Variants in WDR3 observed in about 807,000 individuals in gnomAD.
WDR3 encodes WD repeat domain 3.
In WDR3, 81 loss-of-function variants were observed where a neutral mutation model predicts 123.7. That is an observed-to-expected ratio of 0.65 (90% CI 0.55 to 0.79). The LOEUF is 0.79. WDR3 is among the 30% of genes least tolerant of loss of function. The pLI is 0.00. For missense variants in WDR3, 1,027 were observed against 1,123.2 expected (o/e 0.91, Z 1.22); for synonymous variants, 390 against 388.8 (o/e 1.00, Z -0.04).
At chr1:117,934,740 G>A (rs928530923) in intron 3 of WDR3, 58 bp downstream of exon 3, 1 of 1,578,432 alleles carries the variant, frequency 6.3e-7, no homozygotes, top group African/African-American at 1.4e-5. Context: ...GGCTTATGCT[G>A]AAGCAAGTTG....
chr1:117,939,703 C>A, intron 6 of WDR3, 131 bp downstream of exon 6: 1 of 862,144 alleles, frequency 1.2e-6, no homozygotes, highest in Non-Finnish European at 1.8e-6. Flanking sequence ...TAACCTGCAA[C>A]ACTTAAAAAA....
intron 11 of WDR3, among the ~76,000 whole-genome samples, chr1:117,945,513 A>C (rs963925098): frequency 6.6e-6 from 1 of 152,100 alleles, no homozygotes; most frequent in Non-Finnish European, 1.5e-5. Flanking sequence ...TCCCAGCATT[A>C]TGTTGCTCTA....
chr1:117,959,480 T>C lies in WDR3; in HGVS notation c.*33T>C. On this transcript the variant is annotated 3_prime_UTR_variant, in exon 27 of 27. Transcript: ENST00000349139. The stretch of plus-strand genomic sequence containing the variant: ...ATGTGGTATCTTTTTTTTTTTCAAC[T>C]TTTTCCTTTAAAGGACTCCTAAACT... 6.5e-7 allele frequency: 1 copy of C among 1,548,534 alleles called. No homozygotes were observed. The highest frequency in any genetic ancestry group is 8.7e-7 in the Non-Finnish European group (1 of 1,150,296).
rs994470587 is a variant in WDR3, at chr1:117,952,179, A to G, written c.1904+103A>G. On this transcript the variant is annotated intron_variant, in intron 17 of 26. Transcript: ENST00000349139. ...TTCAGTGTTCTCAGGCAGTGATACA[A>G]GTTCTAAAATATAGTCAGACACCCT... The G allele has an allele frequency of 8.2e-6, 12 of 1,468,660 alleles. No individual in the cohort carries two copies. In the African/African-American group the frequency reaches 1.4e-4, roughly 17 times the overall value. 91.0% of individuals were successfully genotyped at this position (1,468,660 alleles called of 1,614,324 possible). A position where few individuals can be genotyped will look rare whatever the true frequency, so the allele number is the denominator to read the frequency against.
At chr1:117,951,775 G>T (rs942994802) in intron 16 of WDR3, among the ~76,000 whole-genome samples, 1 of 152,146 alleles carries the variant, frequency 6.6e-6, no homozygotes, top group Non-Finnish European at 1.5e-5. Context: ...AAGCCACAGA[G>T]TTCGTGCTTT....
In WDR3 at chr1:117,956,244, G is replaced by C. The variant is rs566184283; in HGVS notation, c.2454-824G>C. On this transcript the variant is annotated intron_variant, in intron 24 of 26. Transcript: ENST00000349139. ...GTAATCCCAACATTTTGGGACACTT[G>C]AGACCAAAAGTTTGAGACCAGCCTG... 2.6e-5 allele frequency among the ~76,000 whole-genome samples: 4 copies of C among 152,222 alleles called. No homozygotes were observed. In the East Asian group the frequency reaches 7.7e-4, roughly 29 times the overall value.
intron 21 of WDR3, chr1:117,953,771 A>G: frequency 1.6e-6 from 1 of 607,910 alleles, no homozygotes; most frequent in Non-Finnish European, 2.9e-6. Context: ...TGCCCTATTC[A>G]GAGTGTCTAG....
Position 117,949,750 on chromosome 1 carries a change from G to A in WDR3, c.1525-1G>A. On this transcript the variant is annotated splice_acceptor_variant, in intron 13 of 26. Coordinates refer to ENST00000349139, the MANE Select transcript of WDR3 (RefSeq NM_006784.3). LOFTEE classifies it high-confidence loss of function. ...TAATTGAAATTTCATTTGATTTTCAGCGTGGCTTTGTGACAGGTGGTGCAG... is the reference window on the plus strand; with the variant it reads ...TAATTGAAATTTCATTTGATTTTCAACGTGGCTTTGTGACAGGTGGTGCAG... 1 of 1,612,486 alleles carries A rather than the reference G, an allele frequency of 6.2e-7. No individual in the cohort carries two copies. Among genetic ancestry groups the A allele is most frequent in the South Asian group, 1.1e-5 (1 of 90,730 alleles).
intron 2 of WDR3, 181 bp downstream of exon 2, chr1:117,933,671 A>C: frequency 1.4e-6 from 1 of 739,670 alleles, no homozygotes; most frequent in Non-Finnish European, 2.3e-6. Context: ...GTTCTTCGCC[A>C]CTGAATTCTG....
intron 10 of WDR3, among the ~76,000 whole-genome samples, chr1:117,942,992 G>A (rs986129893): frequency 6.8e-6 from 1 of 147,562 alleles, no homozygotes; most frequent in Non-Finnish European, 1.5e-5. Flanking sequence ...TTGCTCTGTT[G>A]CCCAGGCTGG....
Position 117,939,495 on chromosome 1 carries a change from T to C in WDR3, c.598T>C (p.Leu200=), listed in dbSNP as rs1557818321. ...HRTEVWGLVL[L]SEEKRLITGA... ...TCTATAGGTATGGGGGTTGGTTCTG[T>C]TGTCAGAAGAAAAGCGACTCATCAC... Residue 200 remains leucine, a synonymous_variant, in exon 6 of 27, where the codon TTG becomes CTG. Transcript: ENST00000349139. 1.2e-6 allele frequency: 2 copies of C among 1,613,770 alleles called. No homozygotes were observed. The highest frequency in any genetic ancestry group is 8.5e-7 in the Non-Finnish European group (1 of 1,179,718).
intron 6 of WDR3, 76 bp from the exon 7 acceptor site, chr1:117,940,751 A>ACAACAACAACAAC (rs112688594): frequency 4.6e-6 from 6 of 1,311,390 alleles, no homozygotes; most frequent in African/African-American, 4.5e-5. Context: ...AACAACAACA[A>ACAACAACAACAAC]AACAACAACA....
chr1:117,936,888 G>C lies in WDR3; in HGVS notation c.500+1G>C. 6.2e-7 allele frequency: 1 copy of C among 1,605,568 alleles called. No individual in the cohort carries two copies. Among genetic ancestry groups the C allele is most frequent in the African/African-American group, 1.3e-5 (1 of 74,636 alleles). On this transcript the variant is annotated splice_donor_variant, in intron 4 of 26. Transcript: ENST00000349139. LOFTEE classifies it high-confidence loss of function. Reference sequence around the variant, plus strand: ...GAGAAAAGAACCTGCTAGTTACTAGGTAAAGAAATAATGGTTTAATTTCCA... The same window carrying C: ...GAGAAAAGAACCTGCTAGTTACTAGCTAAAGAAATAATGGTTTAATTTCCA...
chr1:117,952,324 G>A lies in WDR3; in HGVS notation c.1932G>A (p.Lys644=), dbSNP rs979596575. ...TGATGTACCTACAGTTTGTACCCAA[G>A]TCTCACCTCTTCTTCACTGCCGGAA... The part of the protein sequence containing the change: ...DSVMYLQFVP[K]SHLFFTAGKD... The change falls in exon 18 of 27, where the codon AAG becomes AAA. Residue 644 remains lysine, a synonymous_variant. Transcript: ENST00000349139. 7 of 1,612,742 alleles carry A rather than the reference G, an allele frequency of 4.3e-6. No homozygotes were observed. In the African/African-American group the frequency reaches 5.3e-5, roughly 12 times the overall value.
In WDR3 at chr1:117,960,592, C is replaced by T. The variant is rs118062335; in HGVS notation, c.*1145C>T. 10 of 152,238 alleles carry T rather than the reference C, an allele frequency of 6.6e-5. No homozygotes were observed. The highest frequency in any genetic ancestry group is 5.8e-4 in the East Asian group (3 of 5,176). 9.4% of individuals were successfully genotyped at this position (152,238 alleles called of 1,614,324 possible). A position where few individuals can be genotyped will look rare whatever the true frequency, so the allele number is the denominator to read the frequency against. ...CACTGTGATATGCAGTTTACTGGGG[C>T]GATGAGTTGTTCATGCACAGGTGAT... On this transcript the variant is annotated 3_prime_UTR_variant, in exon 27 of 27. Coordinates refer to ENST00000349139, the MANE Select transcript of WDR3 (RefSeq NM_006784.3).
At chr1:117,948,642 T>A in intron 13 of WDR3, 136 bp downstream of exon 13, 1 of 504,908 alleles carries the variant, frequency 2.0e-6, no homozygotes, top group Non-Finnish European at 3.3e-6. Context: ...TGATGCCTTC[T>A]TATAAATGAC....
At chr1:117,937,011 C>T (rs1650965820) in intron 4 of WDR3, 124 bp downstream of exon 4, 2 of 678,860 alleles carry the variant, frequency 2.9e-6, no homozygotes, top group East Asian at 2.6e-5. Flanking sequence ...TCCTGTTCTC[C>T]TGCATTCCTT....
At position 117,959,380 on chromosome 1, in the gene WDR3, C is replaced by G. The variant is rs759929295; in HGVS notation, c.2765C>G (p.Thr922Ser). The G allele has an allele frequency of 3.7e-6, 6 of 1,612,778 alleles. No homozygotes were observed. The highest frequency in any genetic ancestry group is 5.1e-6 in the Non-Finnish European group (6 of 1,179,780). ...GAAGTTATGTTTTTTGCTGATGCTA[C>G]TAGCCACTTGGAAGAGAAGAAGAGG... Reference protein sequence around the residue: ...KSEVMFFADATSHLEEKKRKR... With the variant: ...KSEVMFFADASSHLEEKKRKR... The change falls in exon 27 of 27, where the codon ACT (threonine) becomes AGT (serine). Residue 922 changes from threonine to serine, a missense_variant. Coordinates refer to ENST00000349139, the MANE Select transcript of WDR3 (RefSeq NM_006784.3).
At chr1:117,946,482 G>A (rs114811677) in intron 12 of WDR3, among the ~76,000 whole-genome samples, 1,708 of 152,064 alleles carry the variant, frequency 0.011, 30 homozygotes, top group African/African-American at 0.039. Flanking sequence ...AATATATTAA[G>A]GGTAATAATT....
Sources: gnomAD v4.1 joint callset for allele counts (sites outside exome capture counted in the v4.1 genomes callset) on GRCh38, gnomAD v4.1.1 for gene constraint, MANE v1.5 for transcripts, NCBI Gene and HGNC (gene_info 2026-07-23, HGNC 2026-07-21) for gene names.